FAF1: variants seen among roughly 807,000 people sequenced by gnomAD.
FAF1 encodes the protein FAS-associated factor 1.
FAF1 carries 25 observed loss-of-function variants against 92.5 expected under a neutral mutation model. The observed-to-expected ratio is 0.27, with a 90% CI of 0.20 to 0.38. The LOEUF (loss-of-function observed/expected upper bound fraction) is 0.38, where lower values mean the gene tolerates loss of function less well. FAF1 is among the 10% of genes least tolerant of loss of function. The pLI is 1.00. For synonymous variants in FAF1, 234 were observed against 273.2 expected (o/e 0.86, Z 1.42); for missense variants, 636 against 793.3 (o/e 0.80, Z 2.38).
intron 15 of FAF1, among the ~76,000 whole-genome samples, chr1:50,517,751 T>A (rs1221270981): frequency 6.6e-6 from 1 of 152,234 alleles, no homozygotes; most frequent in Non-Finnish European, 1.5e-5. Context: ...CTTGGGAAAG[T>A]CATTAAATGC....
intron 6 of FAF1, among the ~76,000 whole-genome samples, chr1:50,735,802 A>G (rs1659114298): frequency 6.6e-6 from 1 of 152,110 alleles, no homozygotes; most frequent in African/African-American, 2.4e-5. Context: ...CTGTAACCTC[A>G]AACTCTTGGG....
intron 4 of FAF1, among the ~76,000 whole-genome samples, chr1:50,752,431 A>G (rs1659904930): frequency 6.6e-6 from 1 of 152,198 alleles, no homozygotes; most frequent in African/African-American, 2.4e-5. Flanking sequence ...TTTGTTCTTA[A>G]TATCACCTTA....
intron 4 of FAF1, among the ~76,000 whole-genome samples, chr1:50,771,762 G>A (rs1040763819): frequency 2.0e-5 from 3 of 152,238 alleles, no homozygotes; most frequent in East Asian, 3.9e-4. Flanking sequence ...TCAGCTGGGC[G>A]TGGTGGTGGG....
At chr1:50,542,773 A>G (rs1572820924) in intron 13 of FAF1, among the ~76,000 whole-genome samples, 1 of 152,204 alleles carries the variant, frequency 6.6e-6, no homozygotes, top group Admixed American at 6.6e-5. Flanking sequence ...CCCATCATAG[A>G]ACATTTGAGG....
At position 50,662,862 on chromosome 1, in the gene FAF1, G is replaced by A. The variant is rs919235569; in HGVS notation, c.658-7334C>T. On this transcript the variant is annotated intron_variant, in intron 7 of 18. Transcript: ENST00000396153. ...ACTGCAGGCACCCACTAGCGCGCCC[G>A]GCTAATTTTTTGTATTTTTAGTAGA... Among the ~76,000 whole-genome samples the A allele has an allele frequency of 3.3e-5, 5 of 150,948 alleles. 1 individual carries two copies. The highest frequency in any genetic ancestry group is 1.2e-4 in the African/African-American group (5 of 40,668).
chr1:50,526,687 G>A (rs1043391030), intron 15 of FAF1, among the ~76,000 whole-genome samples: 1 of 151,886 alleles, frequency 6.6e-6, no homozygotes, highest in South Asian at 2.1e-4. Flanking sequence ...CATTTCTCTT[G>A]AGTATATAAC....
At chr1:50,911,427 G>A (rs554929267) in intron 1 of FAF1, among the ~76,000 whole-genome samples, 10 of 151,526 alleles carry the variant, frequency 6.6e-5, no homozygotes, top group African/African-American at 2.4e-4. Flanking sequence ...TGGGCGCGGT[G>A]GCTCACACCT....
At chr1:50,447,192 C>T (rs1450505191) in intron 18 of FAF1, among the ~76,000 whole-genome samples, 3 of 135,758 alleles carry the variant, frequency 2.2e-5, no homozygotes, top group African/African-American at 8.5e-5. Context: ...GGGGCACGAT[C>T]TCGGCTCACT....
chr1:50,537,467 C>T (rs914377833), intron 14 of FAF1, among the ~76,000 whole-genome samples: 7 of 152,224 alleles, frequency 4.6e-5, no homozygotes, highest in African/African-American at 1.2e-4. Context: ...GACCCCTTTA[C>T]ACTGTTAAAA....
rs1016886411 is a variant in FAF1 at position 50,960,261 on chromosome 1, C to T, written c.-450G>A. 6.1e-6 allele frequency: 2 copies of T among 330,352 alleles called. No homozygotes were observed. Among genetic ancestry groups the T allele is most frequent in the Non-Finnish European group, 1.1e-5 (2 of 181,312 alleles). 20.5% of individuals were successfully genotyped at this position (330,352 alleles called of 1,614,324 possible). On this transcript the variant is annotated 5_prime_UTR_variant, in exon 1 of 19. Transcript: ENST00000396153. ...TTCCTCCCTGGCCGCCGCCTCCGCC[C>T]CTGGTTGGCCAGCGCCACGGCTGTC...
intron 15 of FAF1, among the ~76,000 whole-genome samples, chr1:50,498,881 C>A (rs550098517): frequency 6.6e-6 from 1 of 150,392 alleles, no homozygotes; most frequent in South Asian, 2.1e-4. Flanking sequence ...AGTCAAAGGA[C>A]TTGAATAGAC....
intron 13 of FAF1, among the ~76,000 whole-genome samples, chr1:50,562,492 GC>G (rs1386833980): frequency 2.6e-5 from 4 of 152,122 alleles, no homozygotes; most frequent in Non-Finnish European, 5.9e-5. Context: ...AGCAAAATCT[GC>G]CACCCAAAAG....
At chr1:50,956,042 T>A (rs530884527) in intron 1 of FAF1, among the ~76,000 whole-genome samples, 3 of 152,188 alleles carry the variant, frequency 2.0e-5, no homozygotes, top group African/African-American at 4.8e-5. Flanking sequence ...ATTTTCAAGA[T>A]GAAAAGCTTT....
intron 4 of FAF1, among the ~76,000 whole-genome samples, chr1:50,769,336 T>G (rs962336959): frequency 2.6e-5 from 4 of 152,172 alleles, no homozygotes; most frequent in East Asian, 3.9e-4. Flanking sequence ...CAGGACCAGA[T>G]GAGCTCACAG....
At chr1:50,949,138 T>C (rs996761468) in intron 1 of FAF1, among the ~76,000 whole-genome samples, 1 of 152,226 alleles carries the variant, frequency 6.6e-6, no homozygotes, top group Non-Finnish European at 1.5e-5. Flanking sequence ...GTGTAGTCCT[T>C]GGATCAGAAG....
At chr1:50,915,621 TA>T (rs1644914129) in intron 1 of FAF1, among the ~76,000 whole-genome samples, 1 of 151,560 alleles carries the variant, frequency 6.6e-6, no homozygotes, top group Non-Finnish European at 1.5e-5. Context: ...GGGCTGAAAA[TA>T]GGAGATTTTT....
chr1:50,894,443 C>T (rs1018691325), intron 1 of FAF1, among the ~76,000 whole-genome samples: 2 of 151,824 alleles, frequency 1.3e-5, no homozygotes, highest in African/African-American at 4.8e-5. Flanking sequence ...AAAATGCCAA[C>T]CAAGAGCCAA....
chr1:50,925,058 T>A (rs1644994587), intron 1 of FAF1, among the ~76,000 whole-genome samples: 1 of 152,050 alleles, frequency 6.6e-6, no homozygotes, highest in Admixed American at 6.6e-5. Context: ...TATTAATAAA[T>A]CCACATATTT....
chr1:50,692,261 G>GTGTC (rs1269416285), intron 7 of FAF1, among the ~76,000 whole-genome samples: 1 of 150,570 alleles, frequency 6.6e-6, no homozygotes, highest in Admixed American at 6.6e-5. Context: ...GTGTGTGTGT[G>GTGTC]TGTGTGTGTG....
Sources: allele counts gnomAD v4.1 joint callset (sites outside exome capture counted in the v4.1 genomes callset), GRCh38; gene constraint gnomAD v4.1.1; transcripts MANE v1.5; gene names NCBI Gene and HGNC (gene_info 2026-07-23, HGNC 2026-07-21).